The following PHF24 variants were observed in gnomAD, a reference collection of about 807,000 sequenced individuals.
PHF24 encodes the protein Galpha inhibitory interacting protein.
A neutral mutation model predicts 42.6 loss-of-function variants in PHF24; 25 were observed. That is an observed-to-expected ratio of 0.59 (90% confidence interval 0.43 to 0.82). The LOEUF is 0.82. Ranked by LOEUF, PHF24 falls within the 40% of genes least tolerant of loss-of-function variation. The pLI is 0.00. For synonymous variants in PHF24, 185 were observed against 204.8 expected (o/e 0.90, Z 0.83); for missense variants, 470 against 538.1 (o/e 0.87, Z 1.25).
the PHF24 span, among the ~76,000 whole-genome samples, chr9:34,818,564 G>T: frequency 6.6e-6 from 1 of 151,922 alleles, no homozygotes; most frequent in Non-Finnish European, 1.5e-5. Context: ...TTTATATATT[G>T]TTCAATTTGT....
At chr9:34,703,074 C>A in the PHF24 span, among the ~76,000 whole-genome samples, 1 of 152,182 alleles carries the variant, frequency 6.6e-6, no homozygotes, top group Non-Finnish European at 1.5e-5. Context: ...ATTAATGTCA[C>A]CTTTCATAGA....
the PHF24 span, chr9:34,838,495 G>T: frequency 7.5e-7 from 1 of 1,339,894 alleles, no homozygotes; most frequent in Non-Finnish European, 1.0e-6. Flanking sequence ...GCTCAACATG[G>T]TCTAAACCTC....
chr9:34,759,764 A>T, the PHF24 span, among the ~76,000 whole-genome samples: 2 of 152,130 alleles, frequency 1.3e-5, no homozygotes, highest in Admixed American at 1.3e-4. Flanking sequence ...ACCTACAGCC[A>T]CTGCCCTCCC....
At chr9:34,953,992 C>G (rs1826316016), upstream of PHF24, among the ~76,000 whole-genome samples, 1 of 152,048 alleles carries the variant, frequency 6.6e-6, no homozygotes, top group African/African-American at 2.4e-5. The surrounding 1 kb of genome is among the most constrained non-coding windows in gnomAD (Gnocchi z 4.1). Context: ...GCAATGGAAA[C>G]CCACAGGCTG....
At chr9:34,798,655 G>A in the PHF24 span, among the ~76,000 whole-genome samples, 2 of 152,160 alleles carry the variant, frequency 1.3e-5, no homozygotes, top group South Asian at 4.1e-4. Context: ...TTGTTATTGT[G>A]AATCGTGCTG....
chr9:34,817,011 G>T, the PHF24 span, among the ~76,000 whole-genome samples: 1 of 152,114 alleles, frequency 6.6e-6, no homozygotes, highest in African/African-American at 2.4e-5. Context: ...CTCTCAGGTT[G>T]TGTATAGATC....
the PHF24 span, among the ~76,000 whole-genome samples, chr9:34,675,149 C>G: frequency 6.6e-6 from 1 of 152,184 alleles, no homozygotes; most frequent in South Asian, 2.1e-4. Context: ...TGAGCCACTG[C>G]GCTGGGCAGG....
the PHF24 span, among the ~76,000 whole-genome samples, chr9:34,871,254 G>T: frequency 7.9e-5 from 12 of 152,180 alleles, no homozygotes; most frequent in Non-Finnish European, 1.6e-4. Context: ...TTGGTGAGGA[G>T]TCCAAGTCTT....
At chr9:34,765,625 G>A in the PHF24 span, among the ~76,000 whole-genome samples, 2 of 148,588 alleles carry the variant, frequency 1.3e-5, no homozygotes, top group African/African-American at 4.9e-5. Context: ...CCTGAATACA[G>A]CACACTGATG....
the PHF24 span, chr9:34,665,789 C>A: frequency 4.7e-6 from 3 of 642,058 alleles, no homozygotes; most frequent in South Asian, 1.7e-5. Context: ...CTGATGCCCC[C>A]GAGAAGCCTC....
the PHF24 span, among the ~76,000 whole-genome samples, chr9:34,904,799 C>G: frequency 4.5e-3 from 12 of 2,666 alleles, 1 homozygote; most frequent in Non-Finnish European, 0.015. Flanking sequence ...AAAAGGATTG[C>G]TTGTTAGTGG....
the PHF24 span, among the ~76,000 whole-genome samples, chr9:34,735,386 C>T: frequency 1.3e-5 from 2 of 151,556 alleles, no homozygotes; most frequent in Admixed American, 6.6e-5. Context: ...TCGCCCACCT[C>T]GGCCTCCCAA....
chr9:34,936,471 A>G, the PHF24 span, among the ~76,000 whole-genome samples: 2 of 151,976 alleles, frequency 1.3e-5, no homozygotes, highest in Non-Finnish European at 2.9e-5. Flanking sequence ...CCGAGATTGC[A>G]GCCTCTGCCC....
chr9:34,976,983 C>T, intron 5 of PHF24, 100 bp from the exon 6 acceptor site: 3 of 1,361,366 alleles, frequency 2.2e-6, no homozygotes, highest in Non-Finnish European at 3.0e-6. Flanking sequence ...TGGGCAGCTT[C>T]TAAGGGAGGT....
At chr9:34,930,139 C>T in the PHF24 span, among the ~76,000 whole-genome samples, 1 of 152,140 alleles carries the variant, frequency 6.6e-6, no homozygotes, top group African/African-American at 2.4e-5. Context: ...ATGTCTGGGG[C>T]TTCATCCAAG....
intron 1 of PHF24, among the ~76,000 whole-genome samples, 159 bp from the exon 2 acceptor site, chr9:34,971,136 C>T (rs1014851460): frequency 6.6e-6 from 1 of 152,072 alleles, no homozygotes; most frequent in Non-Finnish European, 1.5e-5. Flanking sequence ...AGAAGTAGAA[C>T]CAACATCTTC....
At chr9:34,946,190 A>G in the PHF24 span, among the ~76,000 whole-genome samples, 1 of 152,260 alleles carries the variant, frequency 6.6e-6, no homozygotes, top group Non-Finnish European at 1.5e-5. Context: ...ATGTTTAACT[A>G]TACTTAACAC....
At chr9:34,935,062 G>A in the PHF24 span, among the ~76,000 whole-genome samples, 9 of 152,140 alleles carry the variant, frequency 5.9e-5, no homozygotes, top group Non-Finnish European at 1.2e-4. Context: ...GAAAAAGCAG[G>A]TCATGACACA....
the PHF24 span, chr9:34,922,303 T>G: frequency 6.3e-7 from 1 of 1,592,582 alleles, no homozygotes; most frequent in Non-Finnish European, 8.6e-7. Flanking sequence ...GACTCTTCAC[T>G]TAATGTATCA....
Sources: allele counts gnomAD v4.1 joint callset (sites outside exome capture counted in the v4.1 genomes callset), GRCh38; gene constraint gnomAD v4.1.1; non-coding constraint Gnocchi (gnomAD v3.1); transcripts MANE v1.5; gene names NCBI Gene and HGNC (gene_info 2026-07-23, HGNC 2026-07-21).